Variants in TRIM44 observed in about 807,000 individuals in gnomAD.
TRIM44 encodes the protein tripartite motif containing 44.
TRIM44 carries 13 observed loss-of-function variants against 37.4 expected under a neutral mutation model. That is an observed-to-expected ratio of 0.35 (90% CI 0.23 to 0.55). TRIM44 has a LOEUF of 0.55. Ranked by LOEUF, TRIM44 falls within the 20% of genes least tolerant of loss-of-function variation. The pLI, the probability that TRIM44 is intolerant of heterozygous loss-of-function variation, is 0.89. For missense variants in TRIM44, 426 were observed against 437.2 expected (o/e 0.97, Z 0.23); for synonymous variants, 175 against 157.2 (o/e 1.11, Z -0.85).
chr11:35,710,665 C>T (rs1029198460), intron 2 of TRIM44, among the ~76,000 whole-genome samples: 1 of 152,148 alleles, frequency 6.6e-6, no homozygotes, highest in Non-Finnish European at 1.5e-5. Context: ...AAAAGAGTTT[C>T]TAGTGATTGG....
intron 2 of TRIM44, among the ~76,000 whole-genome samples, chr11:35,716,113 A>G (rs913888086): frequency 1.3e-5 from 2 of 152,182 alleles, no homozygotes; most frequent in African/African-American, 4.8e-5. Flanking sequence ...ACTATATAAG[A>G]GAAAGCTGTG....
intron 2 of TRIM44, among the ~76,000 whole-genome samples, chr11:35,718,518 A>G (rs1404791403): frequency 6.6e-6 from 1 of 152,106 alleles, no homozygotes; most frequent in African/African-American, 2.4e-5. Context: ...CTCCCCAACT[A>G]TTATCATCCT....
At chr11:35,705,378 C>G (rs1190266002) in intron 2 of TRIM44, among the ~76,000 whole-genome samples, 1 of 152,046 alleles carries the variant, frequency 6.6e-6, no homozygotes, top group East Asian at 1.9e-4. Context: ...GCAAGGATAC[C>G]CAGGAATTGA....
chr11:35,668,329 A>C (rs1467263755), intron 1 of TRIM44, among the ~76,000 whole-genome samples: 1 of 152,190 alleles, frequency 6.6e-6, no homozygotes, highest in East Asian at 1.9e-4. Context: ...TAAGCCCAGC[A>C]TCCATTAGCT....
intron 2 of TRIM44, among the ~76,000 whole-genome samples, chr11:35,694,936 CTT>C: frequency 6.6e-6 from 1 of 152,194 alleles, no homozygotes. Context: ...AGCATAATAA[CTT>C]AGTGTTATAA....
intron 4 of TRIM44, among the ~76,000 whole-genome samples, chr11:35,745,274 A>G (rs1045171340): frequency 4.3e-4 from 66 of 152,316 alleles, no homozygotes; most frequent in African/African-American, 1.5e-3. Context: ...GCATTTCTCT[A>G]ATGATCAGTG....
intron 4 of TRIM44, among the ~76,000 whole-genome samples, chr11:35,800,385 A>C (rs1020269815): frequency 3.9e-5 from 6 of 152,034 alleles, no homozygotes; most frequent in African/African-American, 1.4e-4. Context: ...TTATTCCCTT[A>C]TTTGGCCCCA....
intron 4 of TRIM44, among the ~76,000 whole-genome samples, chr11:35,802,900 A>G (rs1027613990): frequency 1.3e-5 from 2 of 152,316 alleles, no homozygotes; most frequent in South Asian, 4.1e-4. Context: ...GGGGATAGGA[A>G]CACACTTGTT....
intron 3 of TRIM44, among the ~76,000 whole-genome samples, chr11:35,727,714 C>T (rs1389090636): frequency 6.6e-6 from 1 of 152,102 alleles, no homozygotes; most frequent in Non-Finnish European, 1.5e-5. Flanking sequence ...GATACTGACC[C>T]AATATCATTT....
rs879819845 is a variant in TRIM44, at chr11:35,684,685, G to GT, written c.670-574_670-573insT. Among the ~76,000 whole-genome samples, 379 of 151,820 alleles carry GT rather than the reference G, an allele frequency of 2.5e-3. 3 individuals carry two copies. Among genetic ancestry groups the GT allele is most frequent in the African/African-American group, 5.0e-3 (207 of 41,388 alleles). On this transcript the variant is annotated intron_variant, in intron 1 of 4. Transcript: ENST00000299413. ...GACTCAAAAACCTGTGAGTTTTATG[G>GT]GTTTTTTTGGTGTTGAACTCCTGGC... is the stretch of plus-strand genomic sequence containing the variant.
chr11:35,814,500 G>C lies in TRIM44; in HGVS notation c.*8115G>C, dbSNP rs753971826. 4 of 152,062 alleles carry C rather than the reference G, an allele frequency of 2.6e-5. No individual in the cohort carries two copies. Among genetic ancestry groups the C allele is most frequent in the Non-Finnish European group, 5.9e-5 (4 of 68,024 alleles). 9.4% of individuals were successfully genotyped at this position (152,062 alleles called of 1,614,324 possible). On this transcript the variant is annotated 3_prime_UTR_variant, in exon 5 of 5. Transcript: ENST00000299413. ...TTTCTCATGGATTATTGAGCACTCTGGGGTAACCTGGCCCTGATCTGATGA... is the reference window on the plus strand; with the variant it reads ...TTTCTCATGGATTATTGAGCACTCTCGGGTAACCTGGCCCTGATCTGATGA...
At chr11:35,751,429 G>C (rs951927400) in intron 4 of TRIM44, among the ~76,000 whole-genome samples, 3 of 152,218 alleles carry the variant, frequency 2.0e-5, no homozygotes, top group Admixed American at 6.5e-5. Context: ...CTTGATGCCA[G>C]ATGGATTATA....
intron 4 of TRIM44, among the ~76,000 whole-genome samples, chr11:35,755,598 G>T (rs955391324): frequency 8.5e-5 from 13 of 152,308 alleles, no homozygotes; most frequent in African/African-American, 2.9e-4. Flanking sequence ...ATCCTGAATG[G>T]TAATGCCTAG....
At chr11:35,665,586 G>GT (rs35522287) in intron 1 of TRIM44, among the ~76,000 whole-genome samples, 831 of 71,472 alleles carry the variant, frequency 0.012, 105 homozygotes, top group Non-Finnish European at 0.015. Flanking sequence ...TTATATATCT[G>GT]TTTTTTTTTT....
chr11:35,726,148 T>C lies in TRIM44; in HGVS notation c.972T>C (p.Ala324=), dbSNP rs752512415. The change falls in exon 3 of 5, where the codon GCT becomes GCC. Residue 324 remains alanine, a synonymous_variant. Transcript: ENST00000299413. ...KEQLDTSNES[A]EPKAEGDEEG... ...AACTTGATACCTCTAATGAATCAGC[T>C]GAGCCAAAGGCAGAGGTAAAGGAAA... 3.1e-6 allele frequency: 5 copies of C among 1,614,008 alleles called. No individual in the cohort carries two copies. The highest frequency in any genetic ancestry group is 1.1e-5 in the South Asian group (1 of 91,072).
chr11:35,800,014 A>G (rs1853345209), intron 4 of TRIM44, among the ~76,000 whole-genome samples: 1 of 152,238 alleles, frequency 6.6e-6, no homozygotes, highest in Admixed American at 6.5e-5. Flanking sequence ...GGTAATGATC[A>G]GGCAGTACTG....
intron 3 of TRIM44, among the ~76,000 whole-genome samples, chr11:35,733,318 A>G (rs1852287547): frequency 6.6e-6 from 1 of 152,192 alleles, no homozygotes; most frequent in Non-Finnish European, 1.5e-5. Flanking sequence ...GACTTGCTCT[A>G]AATTATGGGA....
intron 1 of TRIM44, among the ~76,000 whole-genome samples, chr11:35,671,020 G>T (rs2135483419): frequency 6.6e-6 from 1 of 152,276 alleles, no homozygotes; most frequent in East Asian, 1.9e-4. Flanking sequence ...AGTAAAAGTG[G>T]CTTAGTGGGA....
Position 35,711,157 on chromosome 11 carries a change from A to T in TRIM44, c.748-14767A>T, listed in dbSNP as rs543197877. 3.9e-5 allele frequency among the ~76,000 whole-genome samples: 6 copies of T among 152,360 alleles called. 1 individual carries two copies. The South Asian group carries it at 1.0e-3, about 26-fold the overall frequency. On this transcript the variant is annotated intron_variant, in intron 2 of 4. Transcript: ENST00000299413. ...ACTCTGGGAATATACTACAAACCAC[A>T]AAATTGTATACTTTAAATGGGTAAA...
Sources: allele counts gnomAD v4.1 joint callset (sites outside exome capture counted in the v4.1 genomes callset), GRCh38; gene constraint gnomAD v4.1.1; transcripts MANE v1.5; gene names NCBI Gene and HGNC (gene_info 2026-07-23, HGNC 2026-07-21).